PAN3: variants seen among roughly 807,000 people sequenced by gnomAD.
PAN3 encodes the protein PAN2-PAN3 deadenylation complex subunit PAN3.
Under a neutral mutation model 96.2 loss-of-function variants are expected in PAN3, and 19 were observed. The observed-to-expected ratio is 0.20, with a 90% CI of 0.14 to 0.29. The LOEUF is 0.29. Among genes scored for constraint, PAN3 ranks in the 10% least tolerant of loss-of-function variants. The probability of loss-of-function intolerance (pLI) is 1.00; values close to 1 mark genes in which losing one functional copy is unlikely to be tolerated. For synonymous variants in PAN3, 433 were observed against 406.6 expected (o/e 1.06, Z -0.78); for missense variants, 882 against 1,108.1 (o/e 0.80, Z 2.90).
intron 1 of PAN3, among the ~76,000 whole-genome samples, chr13:28,155,062 C>T (rs1272064844): frequency 4.6e-5 from 7 of 151,212 alleles, no homozygotes; most frequent in African/African-American, 1.2e-4. Context: ...GTGATCCACC[C>T]GCCTTGGCCT....
At chr13:28,185,960 T>C (rs2138163643) in intron 4 of PAN3, among the ~76,000 whole-genome samples, 1 of 152,356 alleles carries the variant, frequency 6.6e-6, no homozygotes. Context: ...GTATGGGGAA[T>C]GAATTAGTAA....
At position 28,138,773 on chromosome 13, in the gene PAN3, G is replaced by T. The variant is rs1466324438; in HGVS notation, c.116G>T (p.Gly39Val). The change falls in exon 1 of 19, where the codon GGG (glycine) becomes GTG (valine). Residue 39 changes from glycine (G) to valine (V), a missense_variant. By Grantham distance (109) the Gly-to-Val change is moderately radical. Around this residue, in one of 3 missense-constraint regions of PAN3, gnomAD observed 442 missense variants for 422.8 expected, o/e 1.05. Coordinates refer to ENST00000380958, the MANE Select transcript of PAN3 (RefSeq NM_175854.8). ...CCGGGGGTCGGGGGTGTCCCCGGCG[G>T]GGCGGCGGTAGGAGTGAAGCTGAAG... ...APPGVGGVPGGAAVGVKLKYC... is the reference protein window; with the variant it reads ...APPGVGGVPGVAAVGVKLKYC... The T allele has an allele frequency of 7.3e-7, 1 of 1,363,586 alleles. No homozygotes were observed. The highest frequency in any genetic ancestry group is 9.4e-7 in the Non-Finnish European group (1 of 1,062,014). The allele number at this position is 1,363,586 out of a possible 1,614,324, so 84.5% of individuals were successfully genotyped here.
chr13:28,144,217 T>TG lies in PAN3; in HGVS notation c.430+5130_430+5131insG, dbSNP rs1427738101. ...GGTTTCGATAAGTTTTTTTGTTTTT[T>TG]TTTTTTTTTTTTTTTTTGATATGGA... On this transcript the variant is annotated intron_variant, in intron 1 of 18. Coordinates refer to ENST00000380958, the MANE Select transcript of PAN3 (RefSeq NM_175854.8). Among the ~76,000 whole-genome samples the TG allele has an allele frequency of 3.6e-5, 5 of 140,794 alleles. No homozygotes were observed. In the South Asian group the frequency reaches 9.3e-4, roughly 26 times the overall value. 92.4% of individuals were successfully genotyped at this position (140,794 alleles called of 152,430 possible). A position where few individuals can be genotyped will look rare whatever the true frequency, so the allele number is the denominator to read the frequency against.
rs1346190222 is a variant in PAN3, at chr13:28,257,754, AATTAAT to A, written c.1248+1216_1248+1221del. ...TATATATAAATTATATATAATATAT[AATTAAT>A]TATATATTATATATAAATTATATAT... On this transcript the variant is annotated intron_variant, in intron 7 of 18. Transcript: ENST00000380958. Among the ~76,000 whole-genome samples the A allele has an allele frequency of 2.3e-4, 31 of 137,196 alleles. No individual in the cohort carries two copies. In the Admixed American group the frequency reaches 2.3e-3, roughly 10 times the overall value. The allele number at this position is 137,196 out of a possible 152,430, so 90.0% of individuals were successfully genotyped here.
intron 5 of PAN3, among the ~76,000 whole-genome samples, chr13:28,218,096 G>C (rs1270841631): frequency 6.6e-6 from 1 of 151,840 alleles, no homozygotes; most frequent in African/African-American, 2.4e-5. Context: ...ATTTTTAATA[G>C]ATTTTATAGT....
intron 6 of PAN3, among the ~76,000 whole-genome samples, chr13:28,238,527 T>C (rs1883305230): frequency 6.6e-6 from 1 of 152,222 alleles, no homozygotes; most frequent in Non-Finnish European, 1.5e-5. Flanking sequence ...GCACTGAGTT[T>C]ATGGCTGAGA....
chr13:28,212,034 A>G (rs1880095603), intron 5 of PAN3, among the ~76,000 whole-genome samples: 1 of 152,116 alleles, frequency 6.6e-6, no homozygotes, highest in African/African-American at 2.4e-5. Context: ...TACAGAGAGA[A>G]CTCTGGCAAT....
In PAN3 at chr13:28,288,134, C is replaced by G; in HGVS notation, c.2523+12C>G. 6.3e-7 allele frequency: 1 copy of G among 1,588,588 alleles called. No homozygotes were observed. The highest frequency in any genetic ancestry group is 8.5e-7 in the Non-Finnish European group (1 of 1,169,814). ...CTTGTCTTAACAAGGTAATTTGTAT[C>G]TAGATTTTTTAAGATCATAATTCTG... On this transcript the variant is annotated intron_variant, in intron 18 of 18. Coordinates refer to ENST00000380958, the MANE Select transcript of PAN3 (RefSeq NM_175854.8).
intron 1 of PAN3, 78 bp downstream of exon 1, chr13:28,139,165 A>T: frequency 3.2e-6 from 4 of 1,235,426 alleles, no homozygotes; most frequent in Non-Finnish European, 4.0e-6. Context: ...TGCCGACGGG[A>T]GCTGAGCACG....
chr13:28,259,775 A>G (rs1253676844), intron 7 of PAN3, among the ~76,000 whole-genome samples: 2 of 151,902 alleles, frequency 1.3e-5, no homozygotes, highest in Non-Finnish European at 2.9e-5. Context: ...AGTAGCTGGG[A>G]TTACAGGCTT....
chr13:28,235,682 T>TACACACACACATACACAC (rs1555285728), intron 6 of PAN3, among the ~76,000 whole-genome samples: 4 of 123,402 alleles, frequency 3.2e-5, no homozygotes, highest in African/African-American at 1.4e-4. Flanking sequence ...TTCTCTAATA[T>TACACACACACATACACAC]ACACACACAC....
Position 28,195,455 on chromosome 13 carries a change from T to C in PAN3, c.691-1730T>C, listed in dbSNP as rs935710252. Among the ~76,000 whole-genome samples the C allele has an allele frequency of 2.6e-5, 4 of 152,168 alleles. No individual in the cohort carries two copies. In the South Asian group the frequency reaches 8.3e-4, roughly 31 times the overall value. ...TCCACTGCCATAATTATTGAGTAAG[T>C]AGGCATTCTAGTTACCTTTCTCAAT... On this transcript the variant is annotated intron_variant, in intron 4 of 18. Coordinates refer to ENST00000380958, the MANE Select transcript of PAN3 (RefSeq NM_175854.8).
chr13:28,191,615 T>C (rs1187658250), intron 4 of PAN3, among the ~76,000 whole-genome samples: 1 of 152,160 alleles, frequency 6.6e-6, no homozygotes, highest in Admixed American at 6.5e-5. Context: ...GTCCACTAAT[T>C]TGTCGACCTA....
chr13:28,197,191 A>G lies in PAN3; in HGVS notation c.697A>G (p.Lys233Glu), dbSNP rs1487091400. 3 of 1,612,294 alleles carry G rather than the reference A, an allele frequency of 1.9e-6. No individual in the cohort carries two copies. The highest frequency in any genetic ancestry group is 2.5e-6 in the Non-Finnish European group (3 of 1,179,194). The change falls in exon 5 of 19, where the codon AAG becomes GAG. Residue 233 changes from lysine to glutamate, a missense_variant. By Grantham distance (56) the Lys-to-Glu change is moderately conservative. Transcript: ENST00000380958. ...CTTTCCTTCTTTTTCCTAGCCAAGG[A>G]AGTATCGCCTGGGGATGCTGGAGGA... Reference protein sequence around the residue: ...LNISQRRKPRKYRLGMLEERL... With the variant: ...LNISQRRKPREYRLGMLEERL...
chr13:28,245,121 A>G (rs1884054739), intron 6 of PAN3, among the ~76,000 whole-genome samples: 1 of 152,194 alleles, frequency 6.6e-6, no homozygotes, highest in South Asian at 2.1e-4. Context: ...CGCCGGGATT[A>G]TAGGCATGAG....
intron 1 of PAN3, among the ~76,000 whole-genome samples, chr13:28,170,916 C>T (rs1037719034): frequency 5.3e-5 from 8 of 152,164 alleles, no homozygotes; most frequent in Admixed American, 5.2e-4. Context: ...CCTGCCTCAG[C>T]CTCCCGAGTA....
At chr13:28,289,722 A>G (rs1203667812) in intron 18 of PAN3, among the ~76,000 whole-genome samples, 1 of 152,168 alleles carries the variant, frequency 6.6e-6, no homozygotes, top group Non-Finnish European at 1.5e-5. Flanking sequence ...CCTACTAAAA[A>G]ATTAAAAAAG....
intron 5 of PAN3, chr13:28,215,541 A>G (rs1880640896): frequency 1.5e-6 from 1 of 688,440 alleles, no homozygotes; most frequent in Non-Finnish European, 2.6e-6. Flanking sequence ...CTGCTCAGTG[A>G]TTATTCTGAA....
At chr13:28,158,937 A>G (rs1171205396) in intron 1 of PAN3, among the ~76,000 whole-genome samples, 2 of 152,096 alleles carry the variant, frequency 1.3e-5, no homozygotes, top group Admixed American at 6.5e-5. Flanking sequence ...TCAAAACCAC[A>G]TTGAGATACC....
Sources: gnomAD v4.1 joint callset for allele counts (sites outside exome capture counted in the v4.1 genomes callset) on GRCh38, gnomAD v4.1.1 for gene constraint, gnomAD v4.1.1 regional missense constraint, MANE v1.5 for transcripts, NCBI Gene and HGNC (gene_info 2026-07-23, HGNC 2026-07-21) for gene names.